The following EEF1AKMT1 variants were observed in gnomAD, a reference collection of about 807,000 sequenced individuals.
EEF1AKMT1 encodes EEF1A lysine methyltransferase 1.
Under a neutral mutation model 21.0 loss-of-function variants are expected in EEF1AKMT1, and 18 were observed. The observed-to-expected ratio is 0.86, with a 90% CI of 0.59 to 1.27. The LOEUF is 1.27. Among genes scored for constraint, EEF1AKMT1 ranks in the 50% most tolerant of loss-of-function variants. EEF1AKMT1 has a pLI of 0.00. For synonymous variants in EEF1AKMT1, 109 were observed against 94.8 expected (o/e 1.15, Z -0.87); for missense variants, 246 against 258.6 (o/e 0.95, Z 0.33).
chr13:20,732,402 G>C lies in EEF1AKMT1; in HGVS notation c.228-281C>G, dbSNP rs150712910. On this transcript the variant is annotated intron_variant, in intron 3 of 4. Transcript: ENST00000382758. The stretch of plus-strand genomic sequence containing the variant: ...GCTGGAGGGAAGTGGCGTGATCTCG[G>C]CTCACTGCAACCTCTGCCTCCTGGG... Among the ~76,000 whole-genome samples, 555 of 152,254 alleles carry C rather than the reference G, an allele frequency of 3.6e-3. 3 individuals are homozygous for C. Among genetic ancestry groups the C allele is most frequent in the Middle Eastern group, 0.01 (3 of 294 alleles).
intron 2 of EEF1AKMT1, among the ~76,000 whole-genome samples, chr13:20,738,398 T>C (rs559867951): frequency 2.6e-5 from 4 of 152,238 alleles, no homozygotes; most frequent in Non-Finnish European, 5.9e-5. Context: ...TCTTTATCTA[T>C]TCATAGTTAT....
intron 1 of EEF1AKMT1, among the ~76,000 whole-genome samples, chr13:20,758,735 CA>C (rs1178338100): frequency 6.6e-6 from 1 of 151,940 alleles, no homozygotes; most frequent in East Asian, 1.9e-4. Flanking sequence ...GCAAAAAGAA[CA>C]AAGCTAGAAG....
intron 2 of EEF1AKMT1, among the ~76,000 whole-genome samples, chr13:20,742,539 A>C (rs1310061320): frequency 1.3e-5 from 2 of 152,196 alleles, no homozygotes; most frequent in Admixed American, 6.5e-5. Flanking sequence ...AAACAAGAAC[A>C]CTGTGCAAAT....
intron 1 of EEF1AKMT1, among the ~76,000 whole-genome samples, chr13:20,767,102 C>T (rs907735491): frequency 6.6e-6 from 1 of 151,728 alleles, no homozygotes; most frequent in African/African-American, 2.4e-5. Context: ...GTCAGGAGAT[C>T]GAGACCATCC....
chr13:20,760,970 C>A (rs1343525219), intron 1 of EEF1AKMT1, among the ~76,000 whole-genome samples: 1 of 152,156 alleles, frequency 6.6e-6, no homozygotes. Context: ...AATGAAGGTC[C>A]ATCCCATGTA....
chr13:20,757,362 C>G, intron 2 of EEF1AKMT1, 93 bp downstream of exon 2: 3 of 1,434,584 alleles, frequency 2.1e-6, no homozygotes, highest in Non-Finnish European at 2.9e-6. Context: ...GACAGAGATT[C>G]CGGTTTTAGG....
chr13:20,766,625 T>C (rs971584682), intron 1 of EEF1AKMT1, among the ~76,000 whole-genome samples: 6 of 151,974 alleles, frequency 3.9e-5, no homozygotes, highest in Non-Finnish European at 8.8e-5. Flanking sequence ...AGTTTGAGAC[T>C]AGCCTGACCA....
At chr13:20,750,719 G>T (rs570489277) in intron 2 of EEF1AKMT1, among the ~76,000 whole-genome samples, 2 of 152,270 alleles carry the variant, frequency 1.3e-5, no homozygotes, top group South Asian at 4.1e-4. Context: ...GAGACTGCTA[G>T]GTCATATGGT....
chr13:20,764,924 T>C (rs1295599258), intron 1 of EEF1AKMT1, among the ~76,000 whole-genome samples: 1 of 118,684 alleles, frequency 8.4e-6, no homozygotes, highest in South Asian at 3.4e-4. Context: ...CACACCCTAA[T>C]TTTGAAGTGA....
At chr13:20,731,637 C>G (rs2058796437) in intron 4 of EEF1AKMT1, among the ~76,000 whole-genome samples, 1 of 152,206 alleles carries the variant, frequency 6.6e-6, no homozygotes, top group Non-Finnish European at 1.5e-5. Context: ...GTGTTGGGTA[C>G]TTTGTGTCAC....
At chr13:20,740,201 C>T (rs947919695) in intron 2 of EEF1AKMT1, among the ~76,000 whole-genome samples, 7 of 152,240 alleles carry the variant, frequency 4.6e-5, no homozygotes, top group South Asian at 4.1e-4. Context: ...TGGGGGCCAG[C>T]GGTGCCAGCC....
chr13:20,743,882 T>G lies in EEF1AKMT1; in HGVS notation c.145-6077A>C, dbSNP rs547066403. Among the ~76,000 whole-genome samples the G allele has an allele frequency of 8.5e-5, 13 of 152,072 alleles. No individual in the cohort carries two copies. The South Asian group carries it at 2.7e-3, about 32-fold the overall frequency. On this transcript the variant is annotated intron_variant, in intron 2 of 4. Coordinates refer to ENST00000382758, the MANE Select transcript of EEF1AKMT1 (RefSeq NM_001318939.2). ...CAGGCCCCACTGTGTGATGTTCCCC[T>G]CCCTATGTCCATGCCATGTGTTCTC...
intron 2 of EEF1AKMT1, among the ~76,000 whole-genome samples, chr13:20,755,351 G>A (rs553875002): frequency 6.6e-6 from 1 of 152,346 alleles, no homozygotes; most frequent in East Asian, 1.9e-4. Flanking sequence ...CCTTGTGTGG[G>A]ACTTGGCATG....
intron 2 of EEF1AKMT1, among the ~76,000 whole-genome samples, chr13:20,756,496 G>A (rs1435873071): frequency 6.6e-6 from 1 of 152,124 alleles, no homozygotes; most frequent in Non-Finnish European, 1.5e-5. Context: ...CTTTCCACCA[G>A]GATTTCTGGG....
At chr13:20,773,020 T>C (rs1415257457) in intron 1 of EEF1AKMT1, among the ~76,000 whole-genome samples, 1 of 152,268 alleles carries the variant, frequency 6.6e-6, no homozygotes, top group Middle Eastern at 3.4e-3. Flanking sequence ...CTCCAAATAC[T>C]TTTTATAAAT....
At chr13:20,735,012 T>C (rs2058818419) in intron 3 of EEF1AKMT1, among the ~76,000 whole-genome samples, 1 of 152,162 alleles carries the variant, frequency 6.6e-6, no homozygotes, top group African/African-American at 2.4e-5. Context: ...CATGTTGTCT[T>C]ATTTAGGAAT....
chr13:20,730,036 G>A (rs899270300), intron 4 of EEF1AKMT1, among the ~76,000 whole-genome samples: 3 of 152,226 alleles, frequency 2.0e-5, no homozygotes, highest in Non-Finnish European at 4.4e-5. Context: ...TGCCCTCCCG[G>A]GCCGCTGTGG....
intron 2 of EEF1AKMT1, among the ~76,000 whole-genome samples, chr13:20,741,207 A>G (rs1311618785): frequency 6.6e-6 from 1 of 151,606 alleles, no homozygotes; most frequent in African/African-American, 2.4e-5. Context: ...TAATTACTCA[A>G]GCAGAAATCG....
At chr13:20,742,385 A>G (rs1429272382) in intron 2 of EEF1AKMT1, among the ~76,000 whole-genome samples, 1 of 152,162 alleles carries the variant, frequency 6.6e-6, no homozygotes, top group Non-Finnish European at 1.5e-5. Flanking sequence ...GTCAAATAGA[A>G]CTAGCTTGCA....
Sources: gnomAD v4.1 joint callset for allele counts (sites outside exome capture counted in the v4.1 genomes callset) on GRCh38, gnomAD v4.1.1 for gene constraint, MANE v1.5 for transcripts, NCBI Gene and HGNC (gene_info 2026-07-23, HGNC 2026-07-21) for gene names.